Variants in TMTC2 observed in about 807,000 individuals in gnomAD.
TMTC2 encodes protein O-mannosyl-transferase TMTC2.
Under a neutral mutation model 82.4 loss-of-function variants are expected in TMTC2, and 43 were observed. The observed-to-expected ratio is 0.52, with a 90% CI of 0.41 to 0.67. The LOEUF (loss-of-function observed/expected upper bound fraction) is 0.67. Among genes scored for constraint, TMTC2 ranks in the 30% least tolerant of loss-of-function variants. The pLI, the probability that TMTC2 is intolerant of heterozygous loss-of-function variation, is 0.00. For synonymous variants in TMTC2, 408 were observed against 381.9 expected, an observed-to-expected ratio of 1.07 and a Z score of -0.80; for missense variants, 919 against 1,012.4, an observed-to-expected ratio of 0.91 and a Z score of 1.25.
At chr12:83,045,738 C>CACACACACACACACACACACAT (rs1398614691) in intron 9 of TMTC2, among the ~76,000 whole-genome samples, 1 of 151,362 alleles carries the variant, frequency 6.6e-6, no homozygotes, top group African/African-American at 2.4e-5. Context: ...CACACACACA[C>CACACACACACACACACACACAT]ACACACACAC....
intron 7 of TMTC2, among the ~76,000 whole-genome samples, chr12:82,980,290 A>G (rs1458273810): frequency 2.0e-5 from 3 of 151,840 alleles, no homozygotes; most frequent in African/African-American, 4.8e-5. Context: ...AAAATTGCTA[A>G]AAGTGCTCAT....
intron 1 of TMTC2, among the ~76,000 whole-genome samples, chr12:82,714,244 C>T (rs1342798406): frequency 6.6e-6 from 1 of 152,072 alleles, no homozygotes; most frequent in Admixed American, 6.5e-5. Context: ...GATGGTTGCA[C>T]CACTTGGTAA....
chr12:83,061,812 C>T lies in TMTC2; in HGVS notation c.2312C>T (p.Ala771Val). The T allele has an allele frequency of 6.3e-7, 1 of 1,595,648 alleles. No homozygotes were observed. The highest frequency in any genetic ancestry group is 8.5e-7 in the Non-Finnish European group (1 of 1,171,546). Reference sequence around the variant, plus strand: ...GCAGCTGAGAAGTATTATGATCTGGCAGCCAGGCTGAGGCCTAATGTAAGT... The same window carrying T: ...GCAGCTGAGAAGTATTATGATCTGGTAGCCAGGCTGAGGCCTAATGTAAGT... ...NEAAEKYYDL[A>V]ARLRPNYPAA... is the part of the protein sequence containing the mutation. The change falls in exon 11 of 12, where the codon GCA becomes GTA. Residue 771 changes from alanine to valine, a missense_variant. Transcript: ENST00000321196.
chr12:82,735,852 G>A (rs1875092223), intron 1 of TMTC2, among the ~76,000 whole-genome samples: 1 of 151,946 alleles, frequency 6.6e-6, no homozygotes, highest in Non-Finnish European at 1.5e-5. Flanking sequence ...CTGGCGTGGT[G>A]GTAGGCACTA....
intron 1 of TMTC2, among the ~76,000 whole-genome samples, chr12:82,689,758 G>A (rs567768418): frequency 6.6e-6 from 1 of 152,186 alleles, no homozygotes; most frequent in Non-Finnish European, 1.5e-5. Flanking sequence ...GTCTAATGGA[G>A]TGTTAAAATT....
intron 1 of TMTC2, among the ~76,000 whole-genome samples, chr12:82,807,150 C>A (rs1030796085): frequency 6.6e-6 from 1 of 152,068 alleles, no homozygotes; most frequent in Non-Finnish European, 1.5e-5. Context: ...GACTTTTAAA[C>A]CTATGAAACA....
chr12:82,697,732 G>A (rs1345354368), intron 1 of TMTC2, among the ~76,000 whole-genome samples: 1 of 152,166 alleles, frequency 6.6e-6, no homozygotes, highest in Non-Finnish European at 1.5e-5. Flanking sequence ...GACTGTGGGG[G>A]CAGATATTGG....
chr12:82,742,153 T>G (rs142068076), intron 1 of TMTC2, among the ~76,000 whole-genome samples: 244 of 152,250 alleles, frequency 1.6e-3, no homozygotes, highest in African/African-American at 5.8e-3. Context: ...GCATCCCTAC[T>G]TATTTACTGG....
intron 4 of TMTC2, among the ~76,000 whole-genome samples, chr12:82,959,217 G>T (rs1047663297): frequency 1.3e-5 from 2 of 152,140 alleles, no homozygotes; most frequent in Admixed American, 1.3e-4. Context: ...CTTATGAGTT[G>T]GAAGAATCAA....
chr12:82,718,930 C>T lies in TMTC2; in HGVS notation c.83+31261C>T, dbSNP rs556786326. On this transcript the variant is annotated intron_variant, in intron 1 of 11. Coordinates refer to ENST00000321196, the MANE Select transcript of TMTC2 (RefSeq NM_152588.3). Reference sequence around the variant, plus strand: ...TACAGATACCACATTCATGCCCATTCTATAATCTGTAGAGTTTAATCCTAT... The same window carrying T: ...TACAGATACCACATTCATGCCCATTTTATAATCTGTAGAGTTTAATCCTAT... 8.6e-5 allele frequency among the ~76,000 whole-genome samples: 13 copies of T among 151,314 alleles called. No individual in the cohort carries two copies. In the East Asian group the frequency reaches 2.5e-3, roughly 29 times the overall value.
intron 1 of TMTC2, among the ~76,000 whole-genome samples, chr12:82,781,022 G>GA: frequency 6.6e-6 from 1 of 151,862 alleles, no homozygotes; most frequent in East Asian, 1.9e-4. Context: ...AGTTATCTTG[G>GA]AAAAATGTTG....
chr12:83,059,469 T>A (rs1882661763), intron 10 of TMTC2, among the ~76,000 whole-genome samples: 1 of 151,788 alleles, frequency 6.6e-6, no homozygotes, highest in Admixed American at 6.6e-5. Flanking sequence ...CACATGCTGA[T>A]TAGTAGTTTA....
At chr12:82,940,393 A>G (rs1283709387) in intron 4 of TMTC2, among the ~76,000 whole-genome samples, 2 of 152,080 alleles carry the variant, frequency 1.3e-5, no homozygotes, top group Admixed American at 1.3e-4. Flanking sequence ...AAGGTCTCAC[A>G]TATTTGAGGT....
At chr12:82,784,245 T>A (rs1878057612) in intron 1 of TMTC2, among the ~76,000 whole-genome samples, 1 of 152,126 alleles carries the variant, frequency 6.6e-6, no homozygotes, top group Non-Finnish European at 1.5e-5. Context: ...ATTTTTCCCA[T>A]ACCCCAGTTA....
At chr12:82,707,499 G>A (rs1873418659) in intron 1 of TMTC2, among the ~76,000 whole-genome samples, 2 of 152,158 alleles carry the variant, frequency 1.3e-5, no homozygotes, top group African/African-American at 4.8e-5. Flanking sequence ...GAGGCCATGA[G>A]GACTCTGTTT....
chr12:82,878,275 A>T (rs1872677010), intron 2 of TMTC2, among the ~76,000 whole-genome samples: 2 of 152,308 alleles, frequency 1.3e-5, no homozygotes, highest in Non-Finnish European at 2.9e-5. Flanking sequence ...CACTTCTGTA[A>T]GTGTGAGATA....
chr12:82,749,783 G>A (rs1388689541), intron 1 of TMTC2, among the ~76,000 whole-genome samples: 1 of 145,688 alleles, frequency 6.9e-6, no homozygotes, highest in Non-Finnish European at 1.5e-5. Flanking sequence ...TGTTGCCTAG[G>A]CTGGAGTGCA....
At chr12:82,973,236 A>T (rs903047442) in intron 7 of TMTC2, among the ~76,000 whole-genome samples, 1 of 152,190 alleles carries the variant, frequency 6.6e-6, no homozygotes, top group Non-Finnish European at 1.5e-5. Flanking sequence ...ACGAATATGA[A>T]TATGACCATA....
intron 1 of TMTC2, among the ~76,000 whole-genome samples, chr12:82,711,773 G>A (rs533446234): frequency 2.0e-5 from 3 of 152,304 alleles, no homozygotes; most frequent in South Asian, 4.1e-4. Flanking sequence ...TGTAAATTTT[G>A]CCTTCACTTT....
Sources: gnomAD v4.1 joint callset for allele counts (sites outside exome capture counted in the v4.1 genomes callset) on GRCh38, gnomAD v4.1.1 for gene constraint, MANE v1.5 for transcripts, NCBI Gene and HGNC (gene_info 2026-07-23, HGNC 2026-07-21) for gene names.